The following MYO5C variants were observed in gnomAD, a reference collection of about 807,000 sequenced individuals.
MYO5C encodes unconventional myosin-Vc.
MYO5C carries 194 observed loss-of-function variants against 235.7 expected under a neutral mutation model. The observed-to-expected ratio is 0.82, with a 90% confidence interval of 0.73 to 0.93. The LOEUF is 0.93. MYO5C is among the 40% of genes least tolerant of loss of function. MYO5C has a pLI of 0.00. For synonymous variants in MYO5C, 707 were observed against 754.8 expected (o/e 0.94, Z 1.04); for missense variants, 2,038 against 2,127.2 (o/e 0.96, Z 0.82).
At chr15:52,236,362 T>C (rs1202275976) in intron 22 of MYO5C, among the ~76,000 whole-genome samples, 1 of 152,184 alleles carries the variant, frequency 6.6e-6, no homozygotes, top group Non-Finnish European at 1.5e-5. Context: ...CCACCAACCC[T>C]GGGTGCTAGG....
chr15:52,251,332 C>T (rs1361778787), intron 13 of MYO5C, 58 bp downstream of exon 13: 1 of 1,505,938 alleles, frequency 6.6e-7, no homozygotes, highest in Non-Finnish European at 8.9e-7. Flanking sequence ...CTGCCTACTC[C>T]TTCTGGAGGC....
intron 6 of MYO5C, among the ~76,000 whole-genome samples, chr15:52,272,294 C>G (rs1296160790): frequency 2.0e-5 from 3 of 152,164 alleles, no homozygotes; most frequent in African/African-American, 7.2e-5. Flanking sequence ...AAACAGTTTT[C>G]GTACTCTAGA....
intron 11 of MYO5C, among the ~76,000 whole-genome samples, chr15:52,253,935 G>T (rs1200090416): frequency 7.2e-6 from 1 of 139,100 alleles, no homozygotes; most frequent in African/African-American, 2.6e-5. Flanking sequence ...CCCAGAGGAT[G>T]TACTCAGGCT....
intron 10 of MYO5C, among the ~76,000 whole-genome samples, chr15:52,258,933 C>T (rs2036635772): frequency 6.6e-6 from 1 of 152,218 alleles, no homozygotes; most frequent in Non-Finnish European, 1.5e-5. Flanking sequence ...TTGCACATGG[C>T]TGCCCTTGCT....
At chr15:52,195,606 CAAGAA>C in intron 39 of MYO5C, 149 bp from the exon 40 acceptor site, 1 of 468,868 alleles carries the variant, frequency 2.1e-6, no homozygotes, top group Non-Finnish European at 3.7e-6. Context: ...TACCTATTTC[CAAGAA>C]AAGAAAACAA....
intron 11 of MYO5C, among the ~76,000 whole-genome samples, chr15:52,255,997 C>T (rs1273234944): frequency 6.6e-6 from 1 of 152,188 alleles, no homozygotes; most frequent in Non-Finnish European, 1.5e-5. Flanking sequence ...GTTGGAGAAA[C>T]TCATTCCCAT....
At chr15:52,210,746 T>C (rs2035426777) in intron 35 of MYO5C, among the ~76,000 whole-genome samples, 1 of 152,264 alleles carries the variant, frequency 6.6e-6, no homozygotes, top group African/African-American at 2.4e-5. Context: ...AATGCTTAGA[T>C]ACAGTTATTT....
intron 2 of MYO5C, among the ~76,000 whole-genome samples, chr15:52,280,421 G>T (rs2037141471): frequency 6.6e-6 from 1 of 152,250 alleles, no homozygotes; most frequent in Non-Finnish European, 1.5e-5. Context: ...ACGAAGGTGA[G>T]GCGAGCATGC....
chr15:52,196,766 T>C (rs150437258), intron 38 of MYO5C, among the ~76,000 whole-genome samples: 67 of 152,278 alleles, frequency 4.4e-4, no homozygotes, highest in African/African-American at 1.5e-3. Context: ...TTTTGAAAAT[T>C]GATTAAAGGA....
chr15:52,215,800 A>C (rs1279190883), intron 32 of MYO5C, among the ~76,000 whole-genome samples: 1 of 152,166 alleles, frequency 6.6e-6, no homozygotes, highest in African/African-American at 2.4e-5. Flanking sequence ...TTCAAATCCT[A>C]CATTTTTCTC....
At chr15:52,256,040 T>C (rs771705973) in intron 11 of MYO5C, among the ~76,000 whole-genome samples, 6 of 152,234 alleles carry the variant, frequency 3.9e-5, no homozygotes, top group Non-Finnish European at 7.3e-5. Flanking sequence ...TAGTGCTGCA[T>C]GTGCCGAGAT....
chr15:52,284,753 T>TGGG (rs893570475), intron 1 of MYO5C, among the ~76,000 whole-genome samples: 14 of 151,960 alleles, frequency 9.2e-5, no homozygotes, highest in Admixed American at 8.5e-4. Flanking sequence ...TGGATAGACA[T>TGGG]GGGATACAAT....
chr15:52,239,836 C>T lies in MYO5C; in HGVS notation c.2600G>A (p.Arg867Gln), dbSNP rs561520606. 15 of 1,613,748 alleles carry T rather than the reference C, an allele frequency of 9.3e-6. No individual in the cohort carries two copies. The highest frequency in any genetic ancestry group is 7.7e-5 in the South Asian group (7 of 90,982). ...GAATCTGCGTCTGGCCAGCCACGCC[C>T]GTGCGTATTTCTGTAGGATCACAGC... ...HKAVILQKYA[R>Q]AWLARRRFQS... The change falls in exon 21 of 41, where the codon CGG (arginine) becomes CAG (glutamine). Residue 867 changes from arginine (R) to glutamine (Q), a missense_variant. Physicochemically the swap from Arg to Gln is conservative, Grantham distance 43. Coordinates refer to ENST00000261839, the MANE Select transcript of MYO5C (RefSeq NM_018728.4).
Position 52,224,900 on chromosome 15 carries a change from C to G in MYO5C, c.3446+1G>C, listed in dbSNP as rs768177251. On this transcript the variant is annotated splice_donor_variant, in intron 28 of 40. Coordinates refer to ENST00000261839, the MANE Select transcript of MYO5C (RefSeq NM_018728.4). LOFTEE classifies it high-confidence loss of function. ...GAAGATCCCTGAGGAGAATTTCTAA[C>G]CGTGTTGCTTTCTTTAGTCCTTCAT... The G allele has an allele frequency of 6.2e-7, 1 of 1,610,624 alleles. No homozygotes were observed. The highest frequency in any genetic ancestry group is 1.1e-5 in the South Asian group (1 of 90,154).
chr15:52,285,991 C>T (rs1335332301), intron 1 of MYO5C, among the ~76,000 whole-genome samples: 5 of 152,056 alleles, frequency 3.3e-5, no homozygotes, highest in East Asian at 3.9e-4. Context: ...AAGTAAGGAG[C>T]GTCTCTGCCC....
Position 52,213,282 on chromosome 15 carries a change from A to G in MYO5C, c.4047T>C (p.Asn1349=), listed in dbSNP as rs150082799. 88 of 1,613,022 alleles carry G rather than the reference A, an allele frequency of 5.5e-5. No individual in the cohort carries two copies. The African/African-American group carries it at 1.1e-3, about 20-fold the overall frequency. The change falls in exon 34 of 41, where the codon AAT becomes AAC. Residue 1349 remains asparagine, a synonymous_variant. Coordinates refer to ENST00000261839, the MANE Select transcript of MYO5C (RefSeq NM_018728.4). The part of the protein sequence containing the change: ...KTLSKTIGKA[N]DVHSSSGPKE... ...TGGGTCCTGAGGACGAGTGCACATCATTGGCTGTAGACAGAGGCAAACAAT... is the reference window on the plus strand; with the variant it reads ...TGGGTCCTGAGGACGAGTGCACATCGTTGGCTGTAGACAGAGGCAAACAAT...
intron 1 of MYO5C, among the ~76,000 whole-genome samples, chr15:52,292,211 G>T (rs2037409027): frequency 6.6e-6 from 1 of 152,132 alleles, no homozygotes; most frequent in Non-Finnish European, 1.5e-5. Context: ...GCTGGACACT[G>T]GGATTGGTTC....
chr15:52,196,008 G>C (rs1460457313), intron 39 of MYO5C, among the ~76,000 whole-genome samples: 1 of 115,648 alleles, frequency 8.6e-6, no homozygotes, highest in Non-Finnish European at 1.6e-5. Context: ...AGAGCGTCTT[G>C]TTATGTTGCC....
intron 10 of MYO5C, among the ~76,000 whole-genome samples, chr15:52,260,339 C>T (rs2036666877): frequency 6.6e-6 from 1 of 152,174 alleles, no homozygotes. Context: ...GGGTTCAGTC[C>T]ACCTCTGGCC....
Sources: allele counts gnomAD v4.1 joint callset (sites outside exome capture counted in the v4.1 genomes callset), GRCh38; gene constraint gnomAD v4.1.1; transcripts MANE v1.5; gene names NCBI Gene and HGNC (gene_info 2026-07-23, HGNC 2026-07-21).